Variants in ADAM23 observed in about 807,000 individuals in gnomAD.
The protein encoded by ADAM23 is ADAM metallopeptidase domain 23.
In ADAM23, 33 loss-of-function variants were observed where a neutral mutation model predicts 120.1. That is an observed-to-expected ratio of 0.27 (90% CI 0.21 to 0.37). The LOEUF (loss-of-function observed/expected upper bound fraction) is 0.37, where lower values mean the gene tolerates loss of function less well. Among genes scored for constraint, ADAM23 ranks in the 10% least tolerant of loss-of-function variants. The pLI is 1.00. For missense variants in ADAM23, 862 were observed against 1,058.2 expected (o/e 0.81, Z 2.57); for synonymous variants, 367 against 375.2 (o/e 0.98, Z 0.25).
rs149145914 is a variant in ADAM23 at position 206,569,785 on chromosome 2, G to A, written c.1495-955G>A. Among the ~76,000 whole-genome samples the A allele has an allele frequency of 1.4e-3, 208 of 152,282 alleles. 1 individual carries two copies. In the Middle Eastern group the frequency reaches 0.024, roughly 17 times the overall value. ...AGTAGCCTGGAAACCTTTGCTTTTC[G>A]TAATAGTTTTGCCTTCCTGGAAGTG... is the stretch of plus-strand genomic sequence containing the variant. On this transcript the variant is annotated intron_variant, in intron 15 of 25. Coordinates refer to ENST00000264377, the MANE Select transcript of ADAM23 (RefSeq NM_003812.4).
intron 3 of ADAM23, among the ~76,000 whole-genome samples, chr2:206,527,534 A>C (rs143219430): frequency 0.013 from 1,983 of 152,338 alleles, 20 homozygotes; most frequent in Non-Finnish European, 0.022. Flanking sequence ...ACTCTCAAGG[A>C]GATTACAAAA....
At position 206,531,939 on chromosome 2, in the gene ADAM23, A is replaced by G. The variant is rs773460549; in HGVS notation, c.573+991A>G. ...TAAATACTGCTCAGGAGGCCCTGGC[A>G]TGTCTCAGGATTTATAACATTTCAA... is the stretch of plus-strand genomic sequence containing the variant. On this transcript the variant is annotated intron_variant, in intron 4 of 25. Transcript: ENST00000264377. Among the ~76,000 whole-genome samples the G allele has an allele frequency of 1.7e-4, 26 of 152,338 alleles. 1 individual carries two copies. The highest frequency in any genetic ancestry group is 3.4e-3 in the Middle Eastern group (1 of 294).
chr2:206,521,800 G>C (rs939588282), intron 3 of ADAM23, among the ~76,000 whole-genome samples: 2 of 152,196 alleles, frequency 1.3e-5, no homozygotes, highest in Non-Finnish European at 2.9e-5. Flanking sequence ...ACCCTTATGA[G>C]TGGAACTTGT....
chr2:206,539,166 G>A (rs1479800843), intron 4 of ADAM23, among the ~76,000 whole-genome samples: 1 of 152,182 alleles, frequency 6.6e-6, no homozygotes, highest in Non-Finnish European at 1.5e-5. Flanking sequence ...GTTCAGCTAT[G>A]TGCAAGTAGC....
chr2:206,460,129 C>T (rs1006936271), intron 2 of ADAM23, among the ~76,000 whole-genome samples: 2 of 151,172 alleles, frequency 1.3e-5, no homozygotes, highest in Non-Finnish European at 2.9e-5. Flanking sequence ...TTCCCACCTC[C>T]AATCATAATG....
At chr2:206,541,963 T>A (rs1045484469) in intron 4 of ADAM23, 89 bp from the exon 5 acceptor site, 2 of 1,316,230 alleles carry the variant, frequency 1.5e-6, no homozygotes, top group Non-Finnish European at 2.2e-6. Flanking sequence ...TATATGCCCA[T>A]CCTTGCATTT....
chr2:206,508,602 A>G (rs1008512419), intron 3 of ADAM23, among the ~76,000 whole-genome samples: 5 of 150,736 alleles, frequency 3.3e-5, no homozygotes, highest in Non-Finnish European at 5.9e-5. Flanking sequence ...GCTGCAGTGA[A>G]CCAAGATCAT....
rs765930234 is a variant in ADAM23 at position 206,589,452 on chromosome 2, A to G, written c.1896A>G (p.Thr632=). ...SDKFCYEKLN[T]EGTEKGNCGK... ...AGTTCTGCTATGAAAAGCTGAATAC[A>G]GAAGGCACTGAGAAGGGAAACTGCG... Residue 632 remains threonine, a synonymous_variant, in exon 21 of 26, where the codon ACA becomes ACG. Coordinates refer to ENST00000264377, the MANE Select transcript of ADAM23 (RefSeq NM_003812.4). 9 of 1,613,966 alleles carry G rather than the reference A, an allele frequency of 5.6e-6. No individual in the cohort carries two copies. Among genetic ancestry groups the G allele is most frequent in the Non-Finnish European group, 5.9e-6 (7 of 1,179,944 alleles).
chr2:206,613,518 A>G (rs1422510315), intron 25 of ADAM23, among the ~76,000 whole-genome samples: 1 of 152,180 alleles, frequency 6.6e-6, no homozygotes, highest in East Asian at 1.9e-4. Context: ...CTATATCTGC[A>G]TTTATTTTCA....
intron 16 of ADAM23, among the ~76,000 whole-genome samples, chr2:206,571,342 G>C (rs892769455): frequency 1.3e-5 from 2 of 152,140 alleles, no homozygotes; most frequent in Non-Finnish European, 2.9e-5. Flanking sequence ...GGGCGCGGTG[G>C]CGGGCGCCTG....
intron 3 of ADAM23, among the ~76,000 whole-genome samples, chr2:206,514,602 T>C (rs1053760256): frequency 2.6e-5 from 4 of 152,178 alleles, no homozygotes; most frequent in African/African-American, 9.7e-5. Context: ...TACATAAACT[T>C]GGTTGGGCAG....
At chr2:206,454,861 A>G (rs571742883) in intron 2 of ADAM23, among the ~76,000 whole-genome samples, 20 of 152,324 alleles carry the variant, frequency 1.3e-4, no homozygotes, top group Admixed American at 7.8e-4. Flanking sequence ...AGCCTTGGGC[A>G]TCTCTGCCTT....
chr2:206,552,008 G>C (rs974020038), intron 9 of ADAM23, among the ~76,000 whole-genome samples: 43 of 152,232 alleles, frequency 2.8e-4, no homozygotes, highest in African/African-American at 1.0e-3. Context: ...ACTTTAATTT[G>C]CTTGAAACCC....
At chr2:206,457,347 GTCT>G (rs1347566256) in intron 2 of ADAM23, among the ~76,000 whole-genome samples, 12 of 152,210 alleles carry the variant, frequency 7.9e-5, no homozygotes, top group African/African-American at 2.9e-4. Context: ...TTTGCTAGAG[GTCT>G]TAAGAATTAT....
chr2:206,452,788 G>C (rs1223792440), intron 2 of ADAM23, among the ~76,000 whole-genome samples: 2 of 152,056 alleles, frequency 1.3e-5, no homozygotes, highest in African/African-American at 2.4e-5. Context: ...AGTTTTCCCA[G>C]CTATCTAAGA....
At chr2:206,615,152 T>A (rs1320116216) in intron 25 of ADAM23, among the ~76,000 whole-genome samples, 1 of 152,006 alleles carries the variant, frequency 6.6e-6, no homozygotes, top group Non-Finnish European at 1.5e-5. Context: ...ACTGAAAGAG[T>A]CTTGCTTTAA....
intron 1 of ADAM23, among the ~76,000 whole-genome samples, chr2:206,445,023 T>C (rs1009696900): frequency 6.8e-6 from 1 of 146,874 alleles, no homozygotes; most frequent in African/African-American, 2.5e-5. Flanking sequence ...CTTAGAAGTA[T>C]AGATTTGAGT....
At chr2:206,456,555 G>T (rs1354014852) in intron 2 of ADAM23, among the ~76,000 whole-genome samples, 1 of 152,166 alleles carries the variant, frequency 6.6e-6, no homozygotes, top group Non-Finnish European at 1.5e-5. Flanking sequence ...ATATTTGCAT[G>T]CAGGCACAGA....
chr2:206,573,040 G>A (rs933836631), intron 17 of ADAM23, 75 bp from the exon 18 acceptor site: 14 of 1,442,436 alleles, frequency 9.7e-6, no homozygotes, highest in Non-Finnish European at 1.3e-5. Context: ...GGCATTGTCG[G>A]TGAGTCTAAG....
Sources: allele counts gnomAD v4.1 joint callset (sites outside exome capture counted in the v4.1 genomes callset), GRCh38; gene constraint gnomAD v4.1.1; transcripts MANE v1.5; gene names NCBI Gene and HGNC (gene_info 2026-07-23, HGNC 2026-07-21).